The following RAB27A variants were observed in gnomAD, a reference collection of about 807,000 sequenced individuals.
RAB27A encodes RAB27A, member RAS oncogene family, also known as ras-related protein Rab-27A.
Under a neutral mutation model 20.8 loss-of-function variants are expected in RAB27A, and 17 were observed. The observed-to-expected ratio is 0.82, with a 90% confidence interval of 0.56 to 1.23. The LOEUF (loss-of-function observed/expected upper bound fraction) is 1.23, where lower values mean the gene tolerates loss of function less well. Among genes scored for constraint, RAB27A ranks in the 50% most tolerant of loss-of-function variants. RAB27A has a pLI of 0.00. For missense variants in RAB27A, 277 were observed against 266.7 expected (o/e 1.04, Z -0.27); for synonymous variants, 85 against 92.8 (o/e 0.92, Z 0.48).
At chr15:55,301,577 A>G (rs1490537718) in intron 2 of RAB27A, among the ~76,000 whole-genome samples, 1 of 151,906 alleles carries the variant, frequency 6.6e-6, no homozygotes, top group Non-Finnish European at 1.5e-5. Flanking sequence ...GTGGTTTTTA[A>G]TATATTCACA....
intron 2 of RAB27A, among the ~76,000 whole-genome samples, chr15:55,258,769 G>A (rs762236598): frequency 2.6e-5 from 4 of 152,042 alleles, no homozygotes; most frequent in Non-Finnish European, 5.9e-5. Context: ...TTAGTTTCTT[G>A]GCCATCTAGT....
chr15:55,311,469 AG>A (rs144358326), intron 2 of RAB27A, among the ~76,000 whole-genome samples: 7,725 of 152,012 alleles, frequency 0.051, 273 homozygotes, highest in East Asian at 0.15. Flanking sequence ...TTTGGGTTGA[AG>A]GGGGGTCCTT....
Position 55,205,448 on chromosome 15 carries a change from A to G in RAB27A, c.*59T>C, listed in dbSNP as rs1479529448. ...TAATCTCTCACTGTGCCATGTATCAATCATAGAGAAGATCCCAGGCATGGG... is the reference window on the plus strand; with the variant it reads ...TAATCTCTCACTGTGCCATGTATCAGTCATAGAGAAGATCCCAGGCATGGG... On this transcript the variant is annotated 3_prime_UTR_variant, in exon 7 of 7. Transcript: ENST00000336787. 31 of 1,521,916 alleles carry G rather than the reference A, an allele frequency of 2.0e-5. No homozygotes were observed. Among genetic ancestry groups the G allele is most frequent in the African/African-American group, 1.7e-4 (12 of 72,618 alleles). The allele number at this position is 1,521,916 out of a possible 1,614,324, so 94.3% of individuals were successfully genotyped here.
In RAB27A at chr15:55,223,870, T is replaced by G. The variant is rs1566905725; in HGVS notation, c.467+19A>C. ...ATATTGAAAATGTTTTCTCTAGACTTCTCCACAAAAATACTCACCCATATT... is the reference window on the plus strand; with the variant it reads ...ATATTGAAAATGTTTTCTCTAGACTGCTCCACAAAAATACTCACCCATATT... On this transcript the variant is annotated intron_variant, in intron 6 of 6. Transcript: ENST00000336787. 2.5e-6 allele frequency: 4 copies of G among 1,612,578 alleles called. No homozygotes were observed. The highest frequency in any genetic ancestry group is 3.4e-6 in the Non-Finnish European group (4 of 1,179,448).
At chr15:55,266,528 G>A (rs548517860) in intron 2 of RAB27A, among the ~76,000 whole-genome samples, 6 of 152,154 alleles carry the variant, frequency 3.9e-5, no homozygotes, top group Non-Finnish European at 5.9e-5. Flanking sequence ...AGAAATTAAA[G>A]ATAACCAAAA....
At chr15:55,306,205 C>G (rs1334040457) in intron 2 of RAB27A, among the ~76,000 whole-genome samples, 1 of 152,084 alleles carries the variant, frequency 6.6e-6, no homozygotes, top group African/African-American at 2.4e-5. Context: ...TGGGTTATTT[C>G]CAGATTGGAA....
chr15:55,281,711 G>A (rs1898020176), intron 1 of RAB27A, among the ~76,000 whole-genome samples: 1 of 151,062 alleles, frequency 6.6e-6, no homozygotes. Context: ...GAGAAAGGAA[G>A]GGAAGGAAGG....
chr15:55,282,683 G>T (rs761420766), intron 1 of RAB27A, among the ~76,000 whole-genome samples: 1 of 152,090 alleles, frequency 6.6e-6, no homozygotes, highest in Admixed American at 6.5e-5. Flanking sequence ...TCAGGTACAC[G>T]ATCTCTGGGG....
At chr15:55,237,472 C>T (rs1313712684) in intron 2 of RAB27A, 2 of 152,150 alleles carry the variant, frequency 1.3e-5, no homozygotes, top group Non-Finnish European at 2.9e-5. Context: ...TATTTGCACA[C>T]TATAAAGAGT....
At chr15:55,209,784 A>ATGTG (rs1894837920) in intron 6 of RAB27A, among the ~76,000 whole-genome samples, 1 of 125,400 alleles carries the variant, frequency 8.0e-6, no homozygotes, top group African/African-American at 4.2e-5. Flanking sequence ...ATATACACAC[A>ATGTG]TATGTGTGTA....
At chr15:55,302,771 G>C (rs376364279) in intron 2 of RAB27A, among the ~76,000 whole-genome samples, 2 of 135,260 alleles carry the variant, frequency 1.5e-5, no homozygotes, top group Non-Finnish European at 1.6e-5. Flanking sequence ...CCGAGACCCC[G>C]TCTGGGAGGT....
intron 1 of RAB27A, among the ~76,000 whole-genome samples, chr15:55,287,942 C>T (rs1032633008): frequency 1.3e-5 from 2 of 152,122 alleles, no homozygotes; most frequent in Non-Finnish European, 2.9e-5. Context: ...AGAAATAAAC[C>T]TTTACATTCA....
chr15:55,217,266 C>A (rs981771300), intron 6 of RAB27A, among the ~76,000 whole-genome samples: 2 of 152,048 alleles, frequency 1.3e-5, no homozygotes, highest in African/African-American at 4.8e-5. Flanking sequence ...AGAGTTCACT[C>A]CACTCTCAGC....
At chr15:55,311,604 T>C (rs1488848835) in intron 2 of RAB27A, among the ~76,000 whole-genome samples, 1 of 152,212 alleles carries the variant, frequency 6.6e-6, no homozygotes, top group Non-Finnish European at 1.5e-5. Flanking sequence ...AGAAAGTTTG[T>C]ACATATGGCA....
rs551947942 is a variant in RAB27A, at chr15:55,230,646, C to T, written c.154-160G>A. ...TGTATTTATGTCAAATAATTATATC[C>T]AGGTAATGTAATAAGTTATATTGAA... On this transcript the variant is annotated intron_variant, in intron 3 of 6. Coordinates refer to ENST00000336787, the MANE Select transcript of RAB27A (RefSeq NM_183235.3). Among the ~76,000 whole-genome samples, 24 of 152,178 alleles carry T rather than the reference C, an allele frequency of 1.6e-4. No homozygotes were observed. The South Asian group carries it at 5.0e-3, about 32-fold the overall frequency.
At chr15:55,227,156 C>T (rs1751916457) in intron 5 of RAB27A, among the ~76,000 whole-genome samples, 1 of 152,114 alleles carries the variant, frequency 6.6e-6, no homozygotes, top group African/African-American at 2.4e-5. Flanking sequence ...AAAATACATA[C>T]ATATGTATAC....
At chr15:55,316,184 AATATTGCGCC>A (rs2055042567) in intron 1 of RAB27A, among the ~76,000 whole-genome samples, 1 of 151,378 alleles carries the variant, frequency 6.6e-6, no homozygotes, top group Non-Finnish European at 1.5e-5. Flanking sequence ...GCAGCAAACC[AATATTGCGCC>A]ACTGCGCTCC....
intron 2 of RAB27A, among the ~76,000 whole-genome samples, chr15:55,264,038 G>C (rs1363800919): frequency 6.6e-6 from 1 of 152,100 alleles, no homozygotes; most frequent in Admixed American, 6.6e-5. Flanking sequence ...TATTTTTTCT[G>C]TTTGTTTGTT....
chr15:55,266,509 G>C (rs879260967), intron 2 of RAB27A, among the ~76,000 whole-genome samples: 1 of 152,140 alleles, frequency 6.6e-6, no homozygotes, highest in Non-Finnish European at 1.5e-5. Flanking sequence ...CTTCTTAACA[G>C]ACTAGTATAG....
Sources: gnomAD v4.1 joint callset for allele counts (sites outside exome capture counted in the v4.1 genomes callset) on GRCh38, gnomAD v4.1.1 for gene constraint, MANE v1.5 for transcripts, NCBI Gene and HGNC (gene_info 2026-07-23, HGNC 2026-07-21) for gene names.